SLC30A8: variants seen among roughly 807,000 people sequenced by gnomAD.
SLC30A8 encodes the protein solute carrier family 30 member 8, also known as proton-coupled zinc antiporter SLC30A8.
A neutral mutation model predicts 36.9 loss-of-function variants in SLC30A8; 27 were observed. The observed-to-expected ratio is 0.73, with a 90% confidence interval of 0.54 to 1.01. The LOEUF (loss-of-function observed/expected upper bound fraction) is 1.01, where lower values mean the gene tolerates loss of function less well. Ranked by LOEUF, SLC30A8 falls within the 50% of genes least tolerant of loss-of-function variation. The pLI, the probability that SLC30A8 is intolerant of heterozygous loss-of-function variation, is 0.00. For synonymous variants in SLC30A8, 164 were observed against 172.4 expected, an observed-to-expected ratio of 0.95 and a Z score of 0.38; for missense variants, 439 against 452.0, an observed-to-expected ratio of 0.97 and a Z score of 0.26.
intron 2 of SLC30A8, among the ~76,000 whole-genome samples, chr8:117,129,214 T>A (rs1313774624): frequency 6.6e-6 from 1 of 152,076 alleles, no homozygotes; most frequent in Admixed American, 6.6e-5. Context: ...GCAATGGATG[T>A]GTTTGAGCAG....
chr8:117,043,431 G>A (rs898535666), intron 2 of SLC30A8, among the ~76,000 whole-genome samples: 4 of 152,204 alleles, frequency 2.6e-5, no homozygotes, highest in African/African-American at 4.8e-5. Context: ...GGAAGTCATC[G>A]TATGTCAGGC....
intron 2 of SLC30A8, among the ~76,000 whole-genome samples, chr8:117,112,697 G>T (rs900017919): frequency 1.3e-5 from 2 of 152,254 alleles, no homozygotes; most frequent in East Asian, 3.9e-4. Context: ...CATATTACTT[G>T]TAGGGCCATG....
chr8:117,087,956 G>A (rs1205552082), intron 2 of SLC30A8, among the ~76,000 whole-genome samples: 2 of 152,028 alleles, frequency 1.3e-5, no homozygotes, highest in East Asian at 3.9e-4. Flanking sequence ...GTAGGCGGTG[G>A]GGGAGAGAGA....
intron 2 of SLC30A8, among the ~76,000 whole-genome samples, chr8:117,082,941 G>C (rs149058717): frequency 2.2e-4 from 34 of 152,320 alleles, no homozygotes; most frequent in African/African-American, 7.9e-4. Context: ...AACCAGACAA[G>C]TGATTACAAA....
At chr8:117,139,055 G>C (rs1450787566) in intron 1 of SLC30A8, among the ~76,000 whole-genome samples, 1 of 152,072 alleles carries the variant, frequency 6.6e-6, no homozygotes, top group Non-Finnish European at 1.5e-5. Flanking sequence ...CAACAAGATA[G>C]TGGCAGACCA....
intron 1 of SLC30A8, among the ~76,000 whole-genome samples, chr8:116,960,033 C>CAG (rs1219424213): frequency 1.3e-5 from 2 of 152,342 alleles, no homozygotes; most frequent in East Asian, 3.9e-4. Flanking sequence ...AAGCCTCGAA[C>CAG]TTCTTAAGGC....
At chr8:116,961,397 C>G (rs1347902653) in intron 1 of SLC30A8, among the ~76,000 whole-genome samples, 1 of 152,070 alleles carries the variant, frequency 6.6e-6, no homozygotes, top group East Asian at 1.9e-4. Context: ...CCACTGCACT[C>G]CAGCCTGGGC....
Position 117,175,677 on chromosome 8 carries a change from G to T in SLC30A8, c.*2996G>T, listed in dbSNP as rs1823643013. On this transcript the variant is annotated 3_prime_UTR_variant, in exon 8 of 8. Transcript: ENST00000456015. The stretch of plus-strand genomic sequence containing the variant: ...GCATAGCATGTAGTGTTCAGTACAT[G>T]TTAAATGTTGTTTTTTATTATGTAC... 6.6e-6 allele frequency: 1 copy of T among 152,086 alleles called. No homozygotes were observed. Among genetic ancestry groups the T allele is most frequent in the Admixed American group, 6.6e-5 (1 of 15,254 alleles). The allele number at this position is 152,086 out of a possible 1,614,324, so 9.4% of individuals were successfully genotyped here. A position where few individuals can be genotyped will look rare whatever the true frequency, so the allele number is the denominator to read the frequency against.
chr8:117,086,099 A>G (rs527570497), intron 2 of SLC30A8, among the ~76,000 whole-genome samples: 4 of 152,308 alleles, frequency 2.6e-5, no homozygotes, highest in African/African-American at 7.2e-5. Context: ...CAGACACTCA[A>G]TTTCCCAAAT....
chr8:117,116,435 G>A (rs554646255), intron 2 of SLC30A8, among the ~76,000 whole-genome samples: 5 of 152,098 alleles, frequency 3.3e-5, no homozygotes, highest in African/African-American at 9.6e-5. Context: ...ATGGCATATT[G>A]TGTGACTCCT....
chr8:116,975,281 G>A (rs146185408), intron 1 of SLC30A8, among the ~76,000 whole-genome samples: 1,826 of 152,276 alleles, frequency 0.012, 12 homozygotes, highest in South Asian at 0.025. Context: ...TACACTGCCA[G>A]CTTTAGACTG....
chr8:117,050,181 A>G (rs890119516), intron 2 of SLC30A8, among the ~76,000 whole-genome samples: 1 of 152,046 alleles, frequency 6.6e-6, no homozygotes, highest in Non-Finnish European at 1.5e-5. Context: ...TCCATGACCT[A>G]ACGAGTCTGT....
At position 116,994,638 on chromosome 8, in the gene SLC30A8, G is replaced by C. The variant is rs191095028; in HGVS notation, c.-266+43519G>C. On this transcript the variant is annotated intron_variant, in intron 1 of 10. Coordinates refer to the SLC30A8 transcript ENST00000427715. ...TACTTGGAAGGGTGATTTCGAGAGA[G>C]GGACTTCCAGTCCTGGTAATATACT... Among the ~76,000 whole-genome samples, 170 of 152,202 alleles carry C rather than the reference G, an allele frequency of 1.1e-3. 1 individual carries two copies. The highest frequency in any genetic ancestry group is 4.0e-3 in the African/African-American group (167 of 41,488).
intron 1 of SLC30A8, among the ~76,000 whole-genome samples, chr8:117,025,607 T>C (rs1816848970): frequency 6.6e-6 from 1 of 152,224 alleles, no homozygotes; most frequent in Non-Finnish European, 1.5e-5. Context: ...AAAATCCTTA[T>C]TTCCAGTTCC....
At chr8:117,101,585 A>C (rs1171552629) in intron 2 of SLC30A8, among the ~76,000 whole-genome samples, 1 of 152,174 alleles carries the variant, frequency 6.6e-6, no homozygotes, top group East Asian at 1.9e-4. Flanking sequence ...AAGGGTGCAA[A>C]GTATTGTACC....
chr8:117,118,203 A>C (rs1191091722), intron 2 of SLC30A8, among the ~76,000 whole-genome samples: 4 of 151,240 alleles, frequency 2.6e-5, no homozygotes, highest in Non-Finnish European at 1.5e-5. Context: ...ACCAAAAAAC[A>C]AAAAACAAAA....
At chr8:117,009,424 T>C (rs1034135858) in intron 1 of SLC30A8, among the ~76,000 whole-genome samples, 1 of 152,230 alleles carries the variant, frequency 6.6e-6, no homozygotes, top group Non-Finnish European at 1.5e-5. Context: ...CTTCAAGAAC[T>C]AGGTGAACAA....
chr8:117,127,354 G>A (rs1478656833), intron 2 of SLC30A8, among the ~76,000 whole-genome samples: 2 of 151,930 alleles, frequency 1.3e-5, no homozygotes, highest in African/African-American at 4.8e-5. Context: ...ATAATAAGCT[G>A]CTGAGTGTTT....
intron 1 of SLC30A8, among the ~76,000 whole-genome samples, chr8:117,010,792 G>T (rs1816317773): frequency 6.6e-6 from 1 of 152,176 alleles, no homozygotes; most frequent in Admixed American, 6.5e-5. Flanking sequence ...AGGCAAACAG[G>T]CACATCTTAT....
Sources: gnomAD v4.1 joint callset for allele counts (sites outside exome capture counted in the v4.1 genomes callset) on GRCh38, gnomAD v4.1.1 for gene constraint, MANE v1.5 for transcripts, NCBI Gene and HGNC (gene_info 2026-07-23, HGNC 2026-07-21) for gene names.